Variants in DPYD observed in about 807,000 individuals in gnomAD.
The protein encoded by DPYD is dihydropyrimidine dehydrogenase.
In DPYD, 109 loss-of-function variants were observed where a neutral mutation model predicts 116.2. The observed-to-expected ratio is 0.94, with a 90% CI of 0.80 to 1.10. DPYD has a LOEUF of 1.10. Ranked by LOEUF, DPYD falls within the 50% of genes least tolerant of loss-of-function variation. The pLI is 0.00. For synonymous variants in DPYD, 440 were observed against 432.0 expected (o/e 1.02, Z -0.23); for missense variants, 1,302 against 1,254.5 (o/e 1.04, Z -0.57).
intron 2 of DPYD, among the ~76,000 whole-genome samples, chr1:97,878,321 C>T (rs913377480): frequency 3.6e-4 from 55 of 151,874 alleles, no homozygotes; most frequent in African/African-American, 1.3e-3. Context: ...TGCCCTAATC[C>T]CAAAGGTCTA....
intron 13 of DPYD, among the ~76,000 whole-genome samples, chr1:97,499,128 C>T (rs1220523233): frequency 2.0e-5 from 3 of 151,396 alleles, no homozygotes; most frequent in Non-Finnish European, 4.4e-5. Context: ...GATTTTTCTC[C>T]CTCAGGAGAT....
chr1:97,277,903 T>C (rs1038329776), intron 18 of DPYD, among the ~76,000 whole-genome samples: 9 of 152,304 alleles, frequency 5.9e-5, no homozygotes, highest in South Asian at 4.1e-4. Context: ...TCCAATCTCA[T>C]TGTCAACTAT....
chr1:97,272,644 TA>T (rs541804231), intron 18 of DPYD, among the ~76,000 whole-genome samples: 238 of 152,280 alleles, frequency 1.6e-3, no homozygotes, highest in Middle Eastern at 6.8e-3. Context: ...ACAAGTACGT[TA>T]CACATCTTGG....
chr1:97,279,941 T>G (rs965264606), intron 18 of DPYD: 3 of 152,206 alleles, frequency 2.0e-5, no homozygotes, highest in Non-Finnish European at 4.4e-5. Flanking sequence ...CATCCACTGA[T>G]CCCTTTTTTA....
chr1:97,914,732 T>C (rs1175976396), intron 1 of DPYD, among the ~76,000 whole-genome samples: 2 of 152,140 alleles, frequency 1.3e-5, no homozygotes, highest in African/African-American at 2.4e-5. Flanking sequence ...AAAAACATAT[T>C]TTTAGACAGA....
chr1:97,495,465 T>C (rs773943693), intron 13 of DPYD, among the ~76,000 whole-genome samples: 4 of 152,174 alleles, frequency 2.6e-5, no homozygotes, highest in Non-Finnish European at 5.9e-5. Flanking sequence ...TTTATTCATG[T>C]GAACTCAATG....
chr1:97,634,067 G>A (rs1042591234), intron 8 of DPYD, among the ~76,000 whole-genome samples: 51 of 152,066 alleles, frequency 3.4e-4, no homozygotes, highest in African/African-American at 1.2e-3. Context: ...TCATCCTTAT[G>A]CCAAAGTAGA....
At chr1:97,505,068 G>A (rs550492960) in intron 13 of DPYD, among the ~76,000 whole-genome samples, 20 of 152,094 alleles carry the variant, frequency 1.3e-4, no homozygotes, top group African/African-American at 4.1e-4. Context: ...TACCGATAAA[G>A]AATGGTAAAA....
At chr1:97,261,158 T>G (rs536595109) in intron 18 of DPYD, among the ~76,000 whole-genome samples, 11 of 152,196 alleles carry the variant, frequency 7.2e-5, no homozygotes, top group Admixed American at 6.6e-4. Context: ...GACAAACAAG[T>G]CACTGGCAAA....
chr1:97,333,611 C>G (rs934517811), intron 16 of DPYD, among the ~76,000 whole-genome samples: 3 of 149,472 alleles, frequency 2.0e-5, no homozygotes, highest in East Asian at 3.9e-4. Context: ...ATCTCCGCCT[C>G]CCAGGTTCAA....
At chr1:97,531,386 C>T (rs965041410) in intron 12 of DPYD, among the ~76,000 whole-genome samples, 6 of 152,060 alleles carry the variant, frequency 3.9e-5, no homozygotes, top group Non-Finnish European at 8.8e-5. Flanking sequence ...ATCCTTTCCC[C>T]GCTATGCATT....
chr1:97,346,698 T>C (rs1232770841), intron 16 of DPYD, among the ~76,000 whole-genome samples: 5 of 151,822 alleles, frequency 3.3e-5, no homozygotes, highest in South Asian at 2.1e-4. Flanking sequence ...TAGTTAATAG[T>C]TCAAAATTTT....
At chr1:97,593,164 T>C in intron 10 of DPYD, 54 bp downstream of exon 10, 1 of 1,578,462 alleles carries the variant, frequency 6.3e-7, no homozygotes, top group Non-Finnish European at 8.7e-7. Context: ...AACAGTTTCA[T>C]CTCCTAAAAT....
chr1:97,726,307 A>G (rs1663257451), intron 4 of DPYD, among the ~76,000 whole-genome samples: 1 of 151,648 alleles, frequency 6.6e-6, no homozygotes, highest in Admixed American at 6.6e-5. Flanking sequence ...ATACCTTAGT[A>G]TGATAATAAA....
At chr1:97,519,658 G>C (rs1556797) in intron 12 of DPYD, among the ~76,000 whole-genome samples, 45,290 of 152,006 alleles carry the variant, frequency 0.3, 6,896 homozygotes, top group East Asian at 0.49. Context: ...ATTTTACAAA[G>C]AGAAAACAAA....
At chr1:97,090,866 T>C (rs1649853688) in intron 21 of DPYD, among the ~76,000 whole-genome samples, 1 of 152,210 alleles carries the variant, frequency 6.6e-6, no homozygotes, top group African/African-American at 2.4e-5. Context: ...CGTGTCTGTT[T>C]TTTTGAATCT....
chr1:97,545,656 A>T (rs1362336693), intron 12 of DPYD: 1 of 649,086 alleles, frequency 1.5e-6, no homozygotes, highest in Non-Finnish European at 2.7e-6. Flanking sequence ...CAGATTAGAG[A>T]GTTACACAGC....
rs72967816 is a variant in DPYD, at chr1:97,198,401, A to G, written c.2443-5153T>C. Reference sequence around the variant, plus strand: ...TTATAATAAGAAGTCATGTTTGAAGAAACAAGAATAATTTGCTGATTAAAT... The same window carrying G: ...TTATAATAAGAAGTCATGTTTGAAGGAACAAGAATAATTTGCTGATTAAAT... On this transcript the variant is annotated intron_variant, in intron 19 of 22. Coordinates refer to ENST00000370192, the MANE Select transcript of DPYD (RefSeq NM_000110.4). 9.6e-3 allele frequency among the ~76,000 whole-genome samples: 1,468 copies of G among 152,322 alleles called. 15 individuals carry two copies. The highest frequency in any genetic ancestry group is 0.033 in the African/African-American group (1,365 of 41,562).
intron 16 of DPYD, among the ~76,000 whole-genome samples, chr1:97,340,066 C>T (rs972928513): frequency 4.0e-5 from 6 of 151,890 alleles, no homozygotes; most frequent in Admixed American, 2.6e-4. Context: ...CAGAAGAATG[C>T]AATTTCCAAA....
Sources: gnomAD v4.1 joint callset for allele counts (sites outside exome capture counted in the v4.1 genomes callset) on GRCh38, gnomAD v4.1.1 for gene constraint, MANE v1.5 for transcripts, NCBI Gene and HGNC (gene_info 2026-07-23, HGNC 2026-07-21) for gene names.